Variants in ZP3 observed in about 807,000 individuals in gnomAD.
ZP3 encodes the protein zona pellucida glycoprotein 3, also known as zona pellucida sperm-binding protein 3.
A neutral mutation model predicts 35.6 loss-of-function variants in ZP3; 21 were observed. The ratio of observed to expected loss-of-function variants is 0.59; its 90% CI spans 0.42 to 0.85. The LOEUF (loss-of-function observed/expected upper bound fraction) is 0.85, where lower values mean the gene tolerates loss of function less well. Among genes scored for constraint, ZP3 ranks in the 40% least tolerant of loss-of-function variants. ZP3 has a pLI of 0.00. For missense variants in ZP3, 437 were observed against 536.5 expected, an observed-to-expected ratio of 0.81 and a Z score of 1.83; for synonymous variants, 207 against 214.5, an observed-to-expected ratio of 0.96 and a Z score of 0.31.
chr7:76,433,745 C>A, intron 4 of ZP3, 98 bp downstream of exon 4: 1 of 1,335,212 alleles, frequency 7.5e-7, no homozygotes, highest in Non-Finnish European at 1.0e-6. Context: ...GTAACCCAGG[C>A]TGGAATACAG....
chr7:76,440,725 C>T, intron 7 of ZP3, 114 bp downstream of exon 7: 1 of 1,486,218 alleles, frequency 6.7e-7, no homozygotes, highest in Non-Finnish European at 9.0e-7. Flanking sequence ...ACTGTTTGTA[C>T]CTAGGCCTGC....
At chr7:76,413,719 T>G (rs184958964) in intron 1 of ZP3, among the ~76,000 whole-genome samples, 1 of 152,170 alleles carries the variant, frequency 6.6e-6, no homozygotes, top group African/African-American at 2.4e-5. Flanking sequence ...CAGGGTGGAG[T>G]GTAGTGGCGT....
intron 1 of ZP3, among the ~76,000 whole-genome samples, chr7:76,408,391 G>C (rs1351628594): frequency 1.3e-5 from 2 of 152,130 alleles, no homozygotes; most frequent in Non-Finnish European, 2.9e-5. Context: ...ACCATGAGGA[G>C]GGGGAAAGAC....
chr7:76,412,725 T>C (rs2115841664), intron 1 of ZP3, among the ~76,000 whole-genome samples: 1 of 152,030 alleles, frequency 6.6e-6, no homozygotes, highest in Non-Finnish European at 1.5e-5. Context: ...GGCGCATGCC[T>C]GTAATCCCAG....
chr7:76,433,625 C>T lies in ZP3; in HGVS notation c.691C>T (p.His231Tyr). 1 of 1,611,488 alleles carries T rather than the reference C, an allele frequency of 6.2e-7. No homozygotes were observed. The highest frequency in any genetic ancestry group is 8.5e-7 in the Non-Finnish European group (1 of 1,178,334). Residue 231 changes from histidine to tyrosine, a missense_variant, in exon 4 of 8, where the codon CAC (histidine) becomes TAC (tyrosine). His to Tyr is a moderately conservative substitution (Grantham distance 83, BLOSUM62 2). Around this residue, in one of 6 missense-constraint regions of ZP3, gnomAD observed 352 missense variants for 308.4 expected, o/e 1.14. Transcript: ENST00000394857. ...ACCAGACCAGAATGCCTCCCCTTATCACACCATCGTGGACTTCCATGGGTG... is the reference window on the plus strand; with the variant it reads ...ACCAGACCAGAATGCCTCCCCTTATTACACCATCGTGGACTTCCATGGGTG... ...PTPDQNASPY[H>Y]TIVDFHGCLV...
chr7:76,424,490 G>A (rs1418067847), upstream of ZP3, among the ~76,000 whole-genome samples: 1 of 152,156 alleles, frequency 6.6e-6, no homozygotes, highest in African/African-American at 2.4e-5. Context: ...TTAGCCAGGC[G>A]CGGTGGCGCA....
chr7:76,426,219 G>C, intron 1 of ZP3, among the ~76,000 whole-genome samples: 1 of 152,296 alleles, frequency 6.6e-6, no homozygotes, highest in East Asian at 1.9e-4. Context: ...TGTGGTACAT[G>C]CAGGAAAAGA....
intron 2 of ZP3, among the ~76,000 whole-genome samples, chr7:76,430,063 AAC>A (rs1240280492): frequency 1.3e-5 from 2 of 151,976 alleles, no homozygotes; most frequent in Non-Finnish European, 2.9e-5. Flanking sequence ...CTCTACTAAA[AAC>A]ACAGAAATTA....
chr7:76,433,771 C>A, intron 4 of ZP3, 124 bp downstream of exon 4: 1 of 1,112,980 alleles, frequency 9.0e-7, no homozygotes, highest in Non-Finnish European at 1.3e-6. Context: ...TGATCTCTGC[C>A]CTCTGCAACC....
chr7:76,433,822 C>A, intron 4 of ZP3, 175 bp downstream of exon 4: 1 of 1,035,858 alleles, frequency 9.7e-7, no homozygotes, highest in Non-Finnish European at 1.4e-6. Context: ...CCTCAGCCCC[C>A]CAAGTAGCTG....
At chr7:76,437,171 CTTTTTTTTTT>C (rs869115807) in intron 5 of ZP3, among the ~76,000 whole-genome samples, 7 of 78,706 alleles carry the variant, frequency 8.9e-5, no homozygotes, top group South Asian at 4.3e-4. Context: ...ACCCTGTGTA[CTTTTTTTTTT>C]TTTTTTTTTT....
chr7:76,404,922 T>C (rs1804950890), intron 1 of ZP3, among the ~76,000 whole-genome samples: 1 of 150,080 alleles, frequency 6.7e-6, no homozygotes, highest in Non-Finnish European at 1.5e-5. Context: ...ATACAAACAT[T>C]TGCCAGGTGT....
chr7:76,397,616 T>G, exon 1 of ZP3: 1 of 1,612,770 alleles, frequency 6.2e-7, no homozygotes, highest in Non-Finnish European at 8.5e-7. Flanking sequence ...GCCTTCGCAG[T>G]GCACGTTGTC....
chr7:76,404,519 T>A, intron 1 of ZP3: 1 of 1,606,716 alleles, frequency 6.2e-7, no homozygotes, highest in South Asian at 1.1e-5. Context: ...AAATTAAAGA[T>A]CCCAAATGTT....
At position 76,405,420 on chromosome 7, in the gene ZP3, G is replaced by A. The variant is rs61590588; in HGVS notation, c.-67+7623G>A. ...TGGTTTCGAACTCCTGACCTTAAGG[G>A]ATCCGCCCACCTTGGCCTCCCAAAG... On this transcript the variant is annotated intron_variant, in intron 1 of 8. Coordinates refer to the ZP3 transcript ENST00000336517. Among the ~76,000 whole-genome samples the A allele has an allele frequency of 2.7e-3, 371 of 137,510 alleles. 2 individuals are homozygous for A. The highest frequency in any genetic ancestry group is 9.6e-3 in the African/African-American group (352 of 36,554). The allele number at this position is 137,510 out of a possible 152,430, so 90.2% of individuals were successfully genotyped here. A position where few individuals can be genotyped will look rare whatever the true frequency, so the allele number is the denominator to read the frequency against.
intron 5 of ZP3, among the ~76,000 whole-genome samples, chr7:76,437,679 A>G (rs1411449475): frequency 1.2e-5 from 1 of 84,982 alleles, no homozygotes; most frequent in South Asian, 3.8e-4. Context: ...TTTTTTTTTT[A>G]GTAGAGATGG....
intron 1 of ZP3, among the ~76,000 whole-genome samples, chr7:76,419,468 A>G (rs1313310329): frequency 6.6e-6 from 1 of 152,162 alleles, no homozygotes; most frequent in East Asian, 1.9e-4. Context: ...CCACATATGC[A>G]CGTGGCTGTT....
chr7:76,412,962 CTTCTTTTTTT>C (rs1805285666), intron 1 of ZP3, among the ~76,000 whole-genome samples: 2 of 113,760 alleles, frequency 1.8e-5, no homozygotes, highest in South Asian at 6.3e-4. Context: ...TCTTCTTCTT[CTTCTTTTTTT>C]TTTTTTTTGA....
At position 76,432,792 on chromosome 7, in the gene ZP3, C is replaced by T. The variant is rs527650330; in HGVS notation, c.432-135C>T. On this transcript the variant is annotated intron_variant, in intron 2 of 7. Coordinates refer to ENST00000394857, the MANE Select transcript of ZP3 (RefSeq NM_001110354.2). ...CTCAGGCTCAAGGTGTCTGTTCAGCCATCTCGCACCAGCTACCTGGCTGGG... is the reference window on the plus strand; with the variant it reads ...CTCAGGCTCAAGGTGTCTGTTCAGCTATCTCGCACCAGCTACCTGGCTGGG... 1.9e-5 allele frequency: 13 copies of T among 675,716 alleles called. No individual in the cohort carries two copies. The African/African-American group carries it at 2.0e-4, about 10-fold the overall frequency. The allele number at this position is 675,716 out of a possible 1,614,324, so 41.9% of individuals were successfully genotyped here. A position where few individuals can be genotyped will look rare whatever the true frequency, so the allele number is the denominator to read the frequency against.
Sources: allele counts gnomAD v4.1 joint callset (sites outside exome capture counted in the v4.1 genomes callset), GRCh38; gene constraint gnomAD v4.1.1; regional missense constraint gnomAD v4.1.1; transcripts MANE v1.5; gene names NCBI Gene and HGNC (gene_info 2026-07-23, HGNC 2026-07-21).